CSMD3: variants seen among roughly 807,000 people sequenced by gnomAD.
CSMD3 encodes the protein CUB and sushi domain-containing protein 3.
In CSMD3, 177 loss-of-function variants were observed where a neutral mutation model predicts 435.2. The observed-to-expected ratio is 0.41, with a 90% CI of 0.36 to 0.46. CSMD3 has a LOEUF of 0.46. Among genes scored for constraint, CSMD3 ranks in the 20% least tolerant of loss-of-function variants. The pLI is 0.34. For missense variants in CSMD3, 4,265 were observed against 4,504.6 expected (o/e 0.95, Z 1.52); for synonymous variants, 1,656 against 1,520.5 (o/e 1.09, Z -2.07).
At chr8:113,320,541 C>T (rs2093942437) in intron 1 of CSMD3, among the ~76,000 whole-genome samples, 1 of 152,100 alleles carries the variant, frequency 6.6e-6, no homozygotes, top group Admixed American at 6.5e-5. Flanking sequence ...CTTCACAAAA[C>T]ACTGCAACTG....
At chr8:112,859,436 C>A (rs1457137235) in intron 10 of CSMD3, among the ~76,000 whole-genome samples, 170 bp from the exon 11 acceptor site, 4 of 151,382 alleles carry the variant, frequency 2.6e-5, no homozygotes, top group African/African-American at 4.8e-5. Context: ...TTTTTAACAC[C>A]CTGGGATTCA....
chr8:113,253,311 G>A (rs1405355529), intron 3 of CSMD3, among the ~76,000 whole-genome samples: 1 of 151,852 alleles, frequency 6.6e-6, no homozygotes, highest in Non-Finnish European at 1.5e-5. Flanking sequence ...CATGTGCCAT[G>A]TTGGTGTGCT....
intron 1 of CSMD3, among the ~76,000 whole-genome samples, chr8:113,398,507 A>G (rs760893536): frequency 8.5e-5 from 13 of 152,182 alleles, no homozygotes; most frequent in Admixed American, 3.9e-4. Context: ...TGATCCTCCA[A>G]AAGAATTGTC....
At chr8:112,945,556 A>C (rs1272393087) in intron 9 of CSMD3, among the ~76,000 whole-genome samples, 1 of 149,134 alleles carries the variant, frequency 6.7e-6, no homozygotes. Flanking sequence ...TGTAGGTTTA[A>C]GTTGCCAAAT....
intron 50 of CSMD3, among the ~76,000 whole-genome samples, chr8:112,307,649 G>A (rs934541528): frequency 2.0e-5 from 3 of 152,012 alleles, no homozygotes; most frequent in Non-Finnish European, 2.9e-5. Context: ...AAGGACTAAC[G>A]TATTTGAATA....
chr8:112,573,375 A>G, intron 24 of CSMD3, 126 bp downstream of exon 24: 7 of 864,120 alleles, frequency 8.1e-6, no homozygotes, highest in South Asian at 1.4e-5. Context: ...ATAAAATTAT[A>G]TATGTAGAAA....
At chr8:112,681,973 A>G (rs2075907079) in intron 16 of CSMD3, among the ~76,000 whole-genome samples, 1 of 152,172 alleles carries the variant, frequency 6.6e-6, no homozygotes, top group Admixed American at 6.5e-5. Flanking sequence ...ACTGAAAAAA[A>G]TTAGCAAATG....
At chr8:113,286,245 G>C (rs2093645779) in intron 2 of CSMD3, among the ~76,000 whole-genome samples, 1 of 151,906 alleles carries the variant, frequency 6.6e-6, no homozygotes, top group African/African-American at 2.4e-5. Flanking sequence ...AAACATTCTT[G>C]AAATATTTCC....
At chr8:112,427,924 AC>A (rs1813250428) in intron 32 of CSMD3, among the ~76,000 whole-genome samples, 1 of 152,062 alleles carries the variant, frequency 6.6e-6, no homozygotes, top group Non-Finnish European at 1.5e-5. Context: ...TATTCTCCAC[AC>A]TTTTATGGAA....
At chr8:112,700,503 AAAAC>A (rs770488070) in intron 13 of CSMD3, among the ~76,000 whole-genome samples, 6 of 152,254 alleles carry the variant, frequency 3.9e-5, no homozygotes, top group South Asian at 2.1e-4. Flanking sequence ...CTCCATCTCA[AAAAC>A]AAACAAACAA....
intron 1 of CSMD3, among the ~76,000 whole-genome samples, chr8:113,429,680 A>T (rs1047444570): frequency 6.6e-6 from 1 of 152,066 alleles, no homozygotes; most frequent in African/African-American, 2.4e-5. Flanking sequence ...TGAAATATTA[A>T]TTTTTCTGAT....
chr8:112,548,547 T>C (rs1228989305), intron 27 of CSMD3, among the ~76,000 whole-genome samples: 1 of 152,164 alleles, frequency 6.6e-6, no homozygotes, highest in Non-Finnish European at 1.5e-5. Flanking sequence ...ACAAATTAAC[T>C]GACTTTCTGA....
intron 32 of CSMD3, among the ~76,000 whole-genome samples, chr8:112,410,714 A>ATATATATATATGTGTATATATATATG (rs1563913689): frequency 1.9e-5 from 2 of 106,386 alleles, no homozygotes; most frequent in South Asian, 5.8e-4. Context: ...ATATATATAT[A>ATATATATATATGTGTATATATATATG]TGTATATATA....
intron 59 of CSMD3, 47 bp downstream of exon 59, chr8:112,281,127 A>G (rs2130575889): frequency 7.2e-7 from 1 of 1,381,890 alleles, no homozygotes; most frequent in Admixed American, 1.7e-5. Flanking sequence ...ATACTCATCA[A>G]TACTTTCATA....
At chr8:112,385,554 G>A (rs201042893) in intron 36 of CSMD3, among the ~76,000 whole-genome samples, 1 of 152,016 alleles carries the variant, frequency 6.6e-6, no homozygotes, top group African/African-American at 2.4e-5. Context: ...AAGTAAAAGT[G>A]AAAGACAATT....
chr8:113,393,562 AC>A (rs747506290), intron 1 of CSMD3, among the ~76,000 whole-genome samples: 17 of 152,110 alleles, frequency 1.1e-4, no homozygotes, highest in Non-Finnish European at 2.1e-4. Context: ...GTTACAATGG[AC>A]AAACGGTGCT....
chr8:112,970,684 A>G (rs888910217), intron 7 of CSMD3, among the ~76,000 whole-genome samples: 1 of 151,516 alleles, frequency 6.6e-6, no homozygotes, highest in Admixed American at 6.6e-5. Context: ...ACATAAATAT[A>G]ATTTACTAGT....
intron 6 of CSMD3, among the ~76,000 whole-genome samples, chr8:113,010,058 G>A (rs1434886113): frequency 6.6e-6 from 1 of 151,512 alleles, no homozygotes; most frequent in Non-Finnish European, 1.5e-5. Flanking sequence ...ATAGATACTT[G>A]TAATTAAGTG....
At chr8:112,515,980 T>C (rs1248408215) in intron 28 of CSMD3, among the ~76,000 whole-genome samples, 1 of 152,092 alleles carries the variant, frequency 6.6e-6, no homozygotes, top group Non-Finnish European at 1.5e-5. Flanking sequence ...ATGAATTTGA[T>C]TTTGTAATTT....
Sources: gnomAD v4.1 joint callset for allele counts (sites outside exome capture counted in the v4.1 genomes callset) on GRCh38, gnomAD v4.1.1 for gene constraint, MANE v1.5 for transcripts, NCBI Gene and HGNC (gene_info 2026-07-23, HGNC 2026-07-21) for gene names.